Variants in RBFOX1 observed in about 807,000 individuals in gnomAD.
RBFOX1 encodes RNA binding protein fox-1 homolog 1.
RBFOX1 carries 8 observed loss-of-function variants against 57.7 expected under a neutral mutation model. The ratio of observed to expected loss-of-function variants is 0.14; its 90% confidence interval spans 0.08 to 0.25. The LOEUF (loss-of-function observed/expected upper bound fraction) is 0.25. Ranked by LOEUF, RBFOX1 falls within the 10% of genes least tolerant of loss-of-function variation. RBFOX1 has a pLI of 1.00. For synonymous variants in RBFOX1, 326 were observed against 222.4 expected (o/e 1.47, Z -4.15); for missense variants, 611 against 548.5 (o/e 1.11, Z -1.14).
intron 3 of RBFOX1, among the ~76,000 whole-genome samples, chr16:5,659,459 A>G (rs749061690): frequency 9.2e-5 from 14 of 151,868 alleles, no homozygotes; most frequent in Non-Finnish European, 1.8e-4. Flanking sequence ...GCCCGCCACC[A>G]TGCCCAGCTA....
chr16:6,386,005 G>A (rs925561390), intron 2 of RBFOX1, among the ~76,000 whole-genome samples: 2 of 149,894 alleles, frequency 1.3e-5, no homozygotes, highest in Non-Finnish European at 3.0e-5. Flanking sequence ...GCGCGATCTC[G>A]GCTCACTGCA....
chr16:7,335,451 A>G (rs529636553), intron 4 of RBFOX1, among the ~76,000 whole-genome samples: 1 of 152,312 alleles, frequency 6.6e-6, no homozygotes, highest in Admixed American at 6.5e-5. Flanking sequence ...TTGTTGTATT[A>G]TAGTTGGAGA....
intron 3 of RBFOX1, among the ~76,000 whole-genome samples, chr16:5,863,891 C>G (rs1028338423): frequency 2.6e-5 from 4 of 152,138 alleles, no homozygotes; most frequent in African/African-American, 9.7e-5. Flanking sequence ...AGGTCTCTTT[C>G]TTTCCAATTT....
In RBFOX1 at chr16:7,062,892, C is replaced by CTTTTTTTTTTTTTTTTT. The variant is rs1491558284; in HGVS notation, c.27+10794_27+10795insTTTTTTTTTTTTTTTTT. On this transcript the variant is annotated intron_variant, in intron 4 of 15. Coordinates refer to ENST00000550418, the MANE Select transcript of RBFOX1 (RefSeq NM_018723.4). ...TACCTCATCTCATTCAAATGATCGC[C>CTTTTTTTTTTTTTTTTT]ATTTTTTTTTTTTTTTTTTTTTTTT... is the stretch of plus-strand genomic sequence containing the variant. Among the ~76,000 whole-genome samples the CTTTTTTTTTTTTTTTTT allele has an allele frequency of 1.0e-4, 6 of 59,932 alleles. 2 individuals carry two copies. The highest frequency in any genetic ancestry group is 7.7e-4 in the South Asian group (1 of 1,294). The allele number at this position is 59,932 out of a possible 152,430, so 39.3% of individuals were successfully genotyped here. A position where few individuals can be genotyped will look rare whatever the true frequency, so the allele number is the denominator to read the frequency against.
At chr16:5,853,283 C>G (rs1437576829) in intron 3 of RBFOX1, among the ~76,000 whole-genome samples, 1 of 152,140 alleles carries the variant, frequency 6.6e-6, no homozygotes, top group African/African-American at 2.4e-5. Context: ...ACCCTCACCT[C>G]CTGAGAACGG....
intron 4 of RBFOX1, among the ~76,000 whole-genome samples, chr16:7,198,585 G>A (rs1242903906): frequency 1.3e-5 from 2 of 152,132 alleles, no homozygotes; most frequent in Non-Finnish European, 2.9e-5. Flanking sequence ...TTTGGAGGCT[G>A]GAAAGTCCAA....
intron 2 of RBFOX1, among the ~76,000 whole-genome samples, chr16:5,472,206 T>C (rs2069161101): frequency 6.6e-6 from 1 of 152,144 alleles, no homozygotes; most frequent in Non-Finnish European, 1.5e-5. Flanking sequence ...CCCTCCTTTT[T>C]ATTCTGTTTC....
At chr16:7,394,589 T>C (rs940157268) in intron 4 of RBFOX1, among the ~76,000 whole-genome samples, 2 of 152,180 alleles carry the variant, frequency 1.3e-5, no homozygotes, top group African/African-American at 2.4e-5. Flanking sequence ...TCCAGGGTCA[T>C]AGCCTCTCTA....
chr16:7,442,089 G>A (rs2098772519), intron 4 of RBFOX1, among the ~76,000 whole-genome samples: 1 of 152,200 alleles, frequency 6.6e-6, no homozygotes, highest in Non-Finnish European at 1.5e-5. Context: ...CCATTAGGCA[G>A]GCTGTTGCTC....
At chr16:6,602,146 T>C (rs527740310) in intron 2 of RBFOX1, among the ~76,000 whole-genome samples, 2 of 152,274 alleles carry the variant, frequency 1.3e-5, no homozygotes, top group Non-Finnish European at 2.9e-5. Context: ...TCAAATCCTT[T>C]GCCCATTTTT....
rs575607141 is a variant in RBFOX1 at position 5,485,262 on chromosome 16, C to T, written c.258+18008C>T. Among the ~76,000 whole-genome samples, 10 of 139,726 alleles carry T rather than the reference C, an allele frequency of 7.2e-5. 1 individual carries two copies. Among genetic ancestry groups the T allele is most frequent in the Middle Eastern group, 4.2e-3 (1 of 236 alleles). 91.7% of individuals were successfully genotyped at this position (139,726 alleles called of 152,430 possible). On this transcript the variant is annotated intron_variant, in intron 2 of 2. Coordinates refer to the RBFOX1 transcript ENST00000585867. ...TCGGGAGGCTGAGGCAGGAGAATGGCGTGAACCCAGGAGGCGGAGCTTGCA... is the reference window on the plus strand; with the variant it reads ...TCGGGAGGCTGAGGCAGGAGAATGGTGTGAACCCAGGAGGCGGAGCTTGCA...
At chr16:5,441,784 A>G (rs1487555678) in intron 1 of RBFOX1, among the ~76,000 whole-genome samples, 1 of 152,170 alleles carries the variant, frequency 6.6e-6, no homozygotes, top group Non-Finnish European at 1.5e-5. Flanking sequence ...GAGAAGAAGA[A>G]TGAGTGCCCA....
intron 1 of RBFOX1, among the ~76,000 whole-genome samples, chr16:6,133,044 T>C (rs2096641075): frequency 6.6e-6 from 1 of 152,000 alleles, no homozygotes; most frequent in South Asian, 2.1e-4. Context: ...TGTAATTTTT[T>C]TTTTTTTCTG....
chr16:6,951,887 C>A (rs2153526210), intron 3 of RBFOX1, among the ~76,000 whole-genome samples: 1 of 152,280 alleles, frequency 6.6e-6, no homozygotes, highest in African/African-American at 2.4e-5. Flanking sequence ...GCATATGCAC[C>A]ACCATGCCCA....
At chr16:6,163,995 G>T (rs533472764) in intron 1 of RBFOX1, among the ~76,000 whole-genome samples, 1 of 152,274 alleles carries the variant, frequency 6.6e-6, no homozygotes, top group Admixed American at 6.5e-5. Context: ...TTAACATATT[G>T]TCACAGAGTT....
chr16:7,554,220 G>A (rs367918377), intron 5 of RBFOX1, among the ~76,000 whole-genome samples: 1 of 152,244 alleles, frequency 6.6e-6, no homozygotes, highest in East Asian at 1.9e-4. Flanking sequence ...ATCGAGCTAG[G>A]GGAACAAAGA....
chr16:5,517,288 C>T (rs954523864), intron 2 of RBFOX1, among the ~76,000 whole-genome samples: 6 of 152,064 alleles, frequency 3.9e-5, no homozygotes, highest in African/African-American at 1.4e-4. Context: ...TTGTTCAGGC[C>T]CCTTCTCAGG....
rs551015827 is a variant in RBFOX1, at chr16:6,744,251, G to A, written c.-16+89601G>A. 1.3e-3 allele frequency among the ~76,000 whole-genome samples: 192 copies of A among 152,148 alleles called. 1 individual carries two copies. The highest frequency in any genetic ancestry group is 4.4e-3 in the African/African-American group (183 of 41,556). On this transcript the variant is annotated intron_variant, in intron 3 of 15. Coordinates refer to ENST00000550418, the MANE Select transcript of RBFOX1 (RefSeq NM_018723.4). ...ACTGTTGGAACTGGAAGGAGAAATA[G>A]CCAAATATTTCAGTGCTAGTCTCTC...
intron 5 of RBFOX1, among the ~76,000 whole-genome samples, chr16:7,519,399 C>T (rs1052620211): frequency 8.5e-5 from 13 of 152,054 alleles, no homozygotes; most frequent in South Asian, 4.1e-4. Flanking sequence ...TTAATGGTGA[C>T]GGTTACATGA....
Sources: allele counts gnomAD v4.1 joint callset (sites outside exome capture counted in the v4.1 genomes callset), GRCh38; gene constraint gnomAD v4.1.1; transcripts MANE v1.5; gene names NCBI Gene and HGNC (gene_info 2026-07-23, HGNC 2026-07-21).